The following EFCAB11 variants were observed in gnomAD, a reference collection of about 807,000 sequenced individuals.
The protein encoded by EFCAB11 is EF-hand calcium-binding domain-containing protein 11.
In EFCAB11, 14 loss-of-function variants were observed where a neutral mutation model predicts 23.0. The ratio of observed to expected loss-of-function variants is 0.61; its 90% CI spans 0.40 to 0.95. The LOEUF is 0.95. Among genes scored for constraint, EFCAB11 ranks in the 40% least tolerant of loss-of-function variants. The pLI is 0.00. For missense variants in EFCAB11, 198 were observed against 195.8 expected (o/e 1.01, Z -0.07); for synonymous variants, 65 against 66.6 (o/e 0.98, Z 0.11).
At chr14:89,835,903 C>T (rs761669912) in intron 5 of EFCAB11, among the ~76,000 whole-genome samples, 3 of 151,384 alleles carry the variant, frequency 2.0e-5, no homozygotes, top group Admixed American at 6.6e-5. Context: ...GTTGGGATTA[C>T]AGGCGTGAGC....
chr14:89,950,136 C>A lies in EFCAB11; in HGVS notation c.178G>T (p.Val60Leu). Residue 60 changes from valine (V) to leucine (L), a missense_variant, in exon 3 of 6, where the codon GTG becomes TTG. Val to Leu is a conservative substitution (Grantham distance 32). Transcript: ENST00000316738. ...LFGYKPSKIE[V>L]DSVMSSINPN... ...TTTATTGAAGACATCACAGAATCCACTTCTATCTAGAAAAGAGGAAAAAAT... is the reference window on the plus strand; with the variant it reads ...TTTATTGAAGACATCACAGAATCCAATTCTATCTAGAAAAGAGGAAAAAAT... 1 of 1,557,996 alleles carries A rather than the reference C, an allele frequency of 6.4e-7. No individual in the cohort carries two copies. Among genetic ancestry groups the A allele is most frequent in the Non-Finnish European group, 8.8e-7 (1 of 1,140,830 alleles).
chr14:89,938,488 A>G (rs1202747096), intron 3 of EFCAB11, among the ~76,000 whole-genome samples: 2 of 152,184 alleles, frequency 1.3e-5, no homozygotes, highest in African/African-American at 4.8e-5. Context: ...AAAAATAGTG[A>G]GTTGTCACCT....
chr14:89,899,180 G>A (rs1889266475), intron 5 of EFCAB11, among the ~76,000 whole-genome samples: 1 of 152,064 alleles, frequency 6.6e-6, no homozygotes, highest in Non-Finnish European at 1.5e-5. Flanking sequence ...CTTGTTTTAT[G>A]GTATAGCCTT....
chr14:89,849,772 T>A (rs1482578288), intron 5 of EFCAB11, among the ~76,000 whole-genome samples: 1 of 152,108 alleles, frequency 6.6e-6, no homozygotes, highest in Admixed American at 6.5e-5. Flanking sequence ...AACACGTAAG[T>A]CATCATATGG....
intron 5 of EFCAB11, among the ~76,000 whole-genome samples, chr14:89,821,173 T>C (rs1566771445): frequency 6.6e-6 from 1 of 152,190 alleles, no homozygotes; most frequent in Non-Finnish European, 1.5e-5. Context: ...TGATTAACAT[T>C]TCAATCAGTA....
intron 2 of EFCAB11, chr14:89,952,308 G>T: frequency 1.4e-6 from 1 of 712,906 alleles, no homozygotes; most frequent in Non-Finnish European, 1.7e-6. Flanking sequence ...TTACATCACT[G>T]TATCTGTCAT....
chr14:89,842,674 C>T (rs548137333), intron 5 of EFCAB11, among the ~76,000 whole-genome samples: 2 of 152,118 alleles, frequency 1.3e-5, no homozygotes, highest in South Asian at 4.2e-4. Flanking sequence ...TTAAAACGCC[C>T]CAGTATCTTC....
At chr14:89,953,129 T>G (rs1468061113) in intron 2 of EFCAB11, among the ~76,000 whole-genome samples, 1 of 151,926 alleles carries the variant, frequency 6.6e-6, no homozygotes, top group Non-Finnish European at 1.5e-5. Flanking sequence ...GACCTAGCAG[T>G]TATACTTCTA....
intron 5 of EFCAB11, among the ~76,000 whole-genome samples, chr14:89,901,371 T>C (rs563922781): frequency 2.6e-5 from 4 of 152,328 alleles, no homozygotes; most frequent in African/African-American, 9.6e-5. Flanking sequence ...GTACAAAAGA[T>C]AGGTGCTCAC....
At chr14:89,919,273 A>G (rs1286748614) in intron 5 of EFCAB11, among the ~76,000 whole-genome samples, 1 of 152,116 alleles carries the variant, frequency 6.6e-6, no homozygotes, top group African/African-American at 2.4e-5. Context: ...CAGACACATT[A>G]AAGAAAGAAG....
At chr14:89,863,579 T>G (rs1887995757) in intron 5 of EFCAB11, among the ~76,000 whole-genome samples, 1 of 152,228 alleles carries the variant, frequency 6.6e-6, no homozygotes, top group African/African-American at 2.4e-5. Context: ...ATTTTCCATG[T>G]TATTTGCTTT....
intron 5 of EFCAB11, among the ~76,000 whole-genome samples, chr14:89,809,654 G>A (rs935509834): frequency 6.6e-6 from 1 of 152,200 alleles, no homozygotes; most frequent in Admixed American, 6.5e-5. Context: ...GTCACCAAGT[G>A]CAGAAGTGTA....
chr14:89,883,560 T>C (rs1888663769), intron 5 of EFCAB11, among the ~76,000 whole-genome samples: 1 of 152,214 alleles, frequency 6.6e-6, no homozygotes, highest in Non-Finnish European at 1.5e-5. Context: ...ACAGTTGTTA[T>C]ACAATATTGT....
chr14:89,876,012 C>T (rs1888426512), intron 5 of EFCAB11, among the ~76,000 whole-genome samples: 1 of 152,126 alleles, frequency 6.6e-6, no homozygotes, highest in Admixed American at 6.6e-5. Flanking sequence ...GAAAAGGGTT[C>T]AAAGACTGAA....
At chr14:89,821,368 C>G (rs531853321) in intron 5 of EFCAB11, among the ~76,000 whole-genome samples, 1 of 152,156 alleles carries the variant, frequency 6.6e-6, no homozygotes, top group African/African-American at 2.4e-5. Flanking sequence ...TGCCAGCCCC[C>G]ACAATCCTGC....
chr14:89,862,068 A>G (rs1478359222), intron 5 of EFCAB11, among the ~76,000 whole-genome samples: 1 of 152,200 alleles, frequency 6.6e-6, no homozygotes, highest in African/African-American at 2.4e-5. Flanking sequence ...TCACATCTGG[A>G]TCACACTCTC....
chr14:89,824,079 G>T (rs1886612631), intron 5 of EFCAB11, among the ~76,000 whole-genome samples: 1 of 152,068 alleles, frequency 6.6e-6, no homozygotes, highest in Non-Finnish European at 1.5e-5. Flanking sequence ...GATCCAAGAA[G>T]CTCAATGAAC....
At chr14:89,816,225 A>T (rs1886334462) in intron 5 of EFCAB11, among the ~76,000 whole-genome samples, 1 of 152,122 alleles carries the variant, frequency 6.6e-6, no homozygotes, top group South Asian at 2.1e-4. Flanking sequence ...TGATTTCTGT[A>T]AGTTGATTTT....
intron 5 of EFCAB11, among the ~76,000 whole-genome samples, chr14:89,919,836 G>A (rs566718054): frequency 1.3e-5 from 2 of 152,252 alleles, no homozygotes; most frequent in African/African-American, 4.8e-5. Context: ...TTTAATCACT[G>A]CTTTGCCCTG....
Sources: gnomAD v4.1 joint callset for allele counts (sites outside exome capture counted in the v4.1 genomes callset) on GRCh38, gnomAD v4.1.1 for gene constraint, MANE v1.5 for transcripts, NCBI Gene and HGNC (gene_info 2026-07-23, HGNC 2026-07-21) for gene names.